KLHL13: variants seen among roughly 807,000 people sequenced by gnomAD.
The protein encoded by KLHL13 is kelch-like protein 13.
KLHL13 carries 10 observed loss-of-function variants against 37.1 expected under a neutral mutation model. That is an observed-to-expected ratio of 0.27 (90% CI 0.17 to 0.46). The LOEUF (loss-of-function observed/expected upper bound fraction) is 0.46. KLHL13 is among the 20% of genes least tolerant of loss of function. The pLI is 1.00. For missense variants in KLHL13, 360 were observed against 509.3 expected (o/e 0.71, Z 2.82); for synonymous variants, 163 against 181.2 (o/e 0.90, Z 0.81).
chrX:117,985,277 T>C, intron 1 of KLHL13: 1 of 1,145,612 alleles, frequency 8.7e-7, no homozygotes, highest in Non-Finnish European at 1.2e-6. Flanking sequence ...TGAACTCTCA[T>C]CATTTGTCAT....
At chrX:117,922,034 C>T (rs766761903) in intron 2 of KLHL13, among the ~76,000 whole-genome samples, 1 of 111,797 alleles carries the variant, frequency 8.9e-6, no homozygotes, top group Non-Finnish European at 1.9e-5. Flanking sequence ...TATCCTATGC[C>T]ACTATTTTTA....
In KLHL13 at chrX:117,999,219, T is replaced by C. The variant is rs190888022; in HGVS notation, c.-55-53644A>G. On this transcript the variant is annotated intron_variant, in intron 1 of 6. Transcript: ENST00000371882. ...TATATACCCAAAGGATTATAAATCA[T>C]GCTGCTATAAAGACGCATGCACACG... Among the ~76,000 whole-genome samples, 23 of 112,036 alleles carry C rather than the reference T, an allele frequency of 2.1e-4. No individual in the cohort carries two copies. The East Asian group carries it at 6.5e-3, about 32-fold the overall frequency.
intron 1 of KLHL13, among the ~76,000 whole-genome samples, chrX:117,955,165 C>A (rs1411447065): frequency 9.0e-6 from 1 of 111,706 alleles, no homozygotes; most frequent in African/African-American, 3.3e-5. Flanking sequence ...AAACTCAAAA[C>A]CAATTAGAAA....
chrX:118,036,332 G>C (rs1399613247), intron 1 of KLHL13, among the ~76,000 whole-genome samples: 6 of 112,208 alleles, frequency 5.3e-5, no homozygotes, highest in Admixed American at 3.8e-4. Context: ...CATGCTACCT[G>C]ACTTCAAACT....
At chrX:117,978,447 G>A (rs1470505651), upstream of KLHL13, among the ~76,000 whole-genome samples, 1 of 111,647 alleles carries the variant, frequency 9.0e-6, no homozygotes, top group Non-Finnish European at 1.9e-5. Flanking sequence ...TGGATCCAAA[G>A]GAGAAGACAA....
At chrX:118,030,121 T>C (rs900342969) in intron 1 of KLHL13, among the ~76,000 whole-genome samples, 36 of 111,780 alleles carry the variant, frequency 3.2e-4, no homozygotes, top group African/African-American at 1.2e-3. Context: ...GAAAAAAAAC[T>C]CTATTTATTG....
At chrX:118,097,661 A>G (rs776923936) in intron 1 of KLHL13, among the ~76,000 whole-genome samples, 4 of 111,797 alleles carry the variant, frequency 3.6e-5, no homozygotes, top group Non-Finnish European at 7.5e-5. Context: ...GAGGCATCAC[A>G]CTACCTGCTT....
At chrX:118,106,193 G>A (rs1429566061) in intron 1 of KLHL13, among the ~76,000 whole-genome samples, 8 of 108,602 alleles carry the variant, frequency 7.4e-5, no homozygotes, top group Non-Finnish European at 1.5e-4. Context: ...CACCGCGCCC[G>A]GCCAAGAGCT....
intron 1 of KLHL13, among the ~76,000 whole-genome samples, chrX:117,957,703 AT>A (rs1433676266): frequency 9.0e-6 from 1 of 111,672 alleles, no homozygotes; most frequent in Non-Finnish European, 1.9e-5. Flanking sequence ...TTGAGTGTTA[AT>A]TTTTAATTTA....
intron 5 of KLHL13, among the ~76,000 whole-genome samples, chrX:117,908,972 T>A (rs1283400756): frequency 8.9e-6 from 1 of 111,834 alleles, no homozygotes; most frequent in Non-Finnish European, 1.9e-5. Flanking sequence ...TGAGAAAACA[T>A]GCCAAACTTC....
chrX:118,051,938 A>G (rs1007032411), intron 1 of KLHL13, among the ~76,000 whole-genome samples: 2 of 111,522 alleles, frequency 1.8e-5, no homozygotes, highest in Non-Finnish European at 3.8e-5. Context: ...AACTTTTTCC[A>G]GTGGATATTA....
chrX:117,979,091 C>T (rs945701047), intron 1 of KLHL13, among the ~76,000 whole-genome samples: 22 of 110,221 alleles, frequency 2.0e-4, no homozygotes, highest in African/African-American at 6.9e-4. Context: ...CCACCACGCC[C>T]GGCTAATTTT....
intron 1 of KLHL13, among the ~76,000 whole-genome samples, chrX:118,024,504 C>T (rs1470813941): frequency 1.8e-5 from 2 of 111,655 alleles, no homozygotes; most frequent in African/African-American, 3.3e-5. Context: ...AGTACAAATA[C>T]CTATATATCC....
intron 1 of KLHL13, among the ~76,000 whole-genome samples, chrX:118,084,862 C>CA (rs767476851): frequency 9.1e-6 from 1 of 109,794 alleles, no homozygotes; most frequent in African/African-American, 3.3e-5. Flanking sequence ...CCCCATTCTA[C>CA]AAAAATAGAA....
intron 4 of KLHL13, among the ~76,000 whole-genome samples, chrX:117,917,081 TA>T (rs1300563577): frequency 1.8e-5 from 2 of 111,192 alleles, no homozygotes; most frequent in Non-Finnish European, 3.8e-5. Flanking sequence ...TAGGTTTAAC[TA>T]AAAAAACAGA....
chrX:117,926,166 GA>G lies in KLHL13; in HGVS notation c.241-5797del, dbSNP rs1045199977. ...CTTTAAAATCAAACAAAAATATATG[GA>G]AAAAAAGTTTAAAAACATTGAAGGA... On this transcript the variant is annotated intron_variant, in intron 2 of 6. Coordinates refer to ENST00000262820, the Ensembl canonical transcript of KLHL13. Among the ~76,000 whole-genome samples the G allele has an allele frequency of 2.7e-5, 3 of 111,826 alleles. No homozygotes were observed. The East Asian group carries it at 8.3e-4, about 31-fold the overall frequency.
intron 1 of KLHL13, among the ~76,000 whole-genome samples, chrX:118,018,529 A>G (rs1369781868): frequency 8.9e-6 from 1 of 112,006 alleles, no homozygotes; most frequent in African/African-American, 3.2e-5. Flanking sequence ...TCATTAACTT[A>G]TTGAAGATTT....
intron 1 of KLHL13, among the ~76,000 whole-genome samples, chrX:117,957,443 G>A (rs1356292845): frequency 9.0e-6 from 1 of 111,646 alleles, no homozygotes; most frequent in East Asian, 2.8e-4. Context: ...AATGACAACA[G>A]AACAAACGAA....
At position 117,920,389 on chromosome X, in the gene KLHL13, T is replaced by C. The variant is rs771916942; in HGVS notation, c.241-19A>G. ...CAAAGCCCTACAACAAGAACATGAG[T>C]TGAGTCACTAATCAAGGTAAAATGA... On this transcript the variant is annotated intron_variant, in intron 2 of 6. Coordinates refer to ENST00000262820, the Ensembl canonical transcript of KLHL13. The C allele has an allele frequency of 1.7e-5, 20 of 1,195,705 alleles. No individual in the cohort carries two copies. The Admixed American group carries it at 3.5e-4, about 21-fold the overall frequency.
Sources: allele counts gnomAD v4.1 joint callset (sites outside exome capture counted in the v4.1 genomes callset), GRCh38; gene constraint gnomAD v4.1.1; transcripts MANE v1.5; gene names NCBI Gene and HGNC (gene_info 2026-07-23, HGNC 2026-07-21).